The following EPHA5 variants were observed in gnomAD, a reference collection of about 807,000 sequenced individuals.
EPHA5 encodes the protein EPH receptor A5.
In EPHA5, 60 loss-of-function variants were observed where a neutral mutation model predicts 105.0. That is an observed-to-expected ratio of 0.57 (90% confidence interval 0.46 to 0.71). EPHA5 has a LOEUF of 0.71. Ranked by LOEUF, EPHA5 falls within the 30% of genes least tolerant of loss-of-function variation. The pLI is 0.00. For missense variants in EPHA5, 1,218 were observed against 1,274.7 expected, an observed-to-expected ratio of 0.96 and a Z score of 0.68; for synonymous variants, 513 against 449.1, an observed-to-expected ratio of 1.14 and a Z score of -1.80.
intron 3 of EPHA5, among the ~76,000 whole-genome samples, chr4:65,503,876 C>T (rs1732734615): frequency 6.7e-6 from 1 of 148,644 alleles, no homozygotes; most frequent in Non-Finnish European, 1.5e-5. Context: ...AAAAGTCATT[C>T]AAGACAATTT....
intron 1 of EPHA5, among the ~76,000 whole-genome samples, chr4:65,659,058 T>TTTCCTGTC (rs1749312451): frequency 6.6e-6 from 1 of 151,672 alleles, no homozygotes; most frequent in East Asian, 1.9e-4. Context: ...GAAAGGTGAG[T>TTTCCTGTC]ACATTTTCCA....
At chr4:65,353,760 T>A (rs1006815353) in intron 11 of EPHA5, among the ~76,000 whole-genome samples, 1 of 151,966 alleles carries the variant, frequency 6.6e-6, no homozygotes, top group Non-Finnish European at 1.5e-5. Flanking sequence ...TGCATTTTCC[T>A]ACCTTTACCT....
At chr4:65,581,901 A>G (rs1741661653) in intron 3 of EPHA5, among the ~76,000 whole-genome samples, 1 of 151,812 alleles carries the variant, frequency 6.6e-6, no homozygotes, top group Admixed American at 6.6e-5. Flanking sequence ...ATTCTGGTAA[A>G]GTAATTTACT....
At chr4:65,413,118 C>T (rs1048665267) in intron 7 of EPHA5, among the ~76,000 whole-genome samples, 2 of 151,978 alleles carry the variant, frequency 1.3e-5, no homozygotes, top group Admixed American at 6.6e-5. Context: ...CAATCCATTA[C>T]TAATATTACG....
chr4:65,643,288 T>C (rs761904732), intron 2 of EPHA5, 75 bp downstream of exon 2: 289 of 1,186,790 alleles, frequency 2.4e-4, no homozygotes, highest in South Asian at 3.6e-4. Context: ...CCAGTACATA[T>C]TCATTCCTGT....
chr4:65,563,183 C>G (rs973622349), intron 3 of EPHA5, among the ~76,000 whole-genome samples: 4 of 151,922 alleles, frequency 2.6e-5, no homozygotes, highest in South Asian at 2.1e-4. Context: ...TTGGCTGATA[C>G]TTACTTTAGA....
At chr4:65,667,443 G>A (rs1322215253) in intron 1 of EPHA5, among the ~76,000 whole-genome samples, 1 of 152,172 alleles carries the variant, frequency 6.6e-6, no homozygotes, top group East Asian at 1.9e-4. Context: ...GCTTTTTTCA[G>A]AGCACCAGGT....
chr4:65,354,479 A>G (rs1017062774), intron 11 of EPHA5, among the ~76,000 whole-genome samples: 4 of 151,754 alleles, frequency 2.6e-5, no homozygotes, highest in East Asian at 1.9e-4. Context: ...ATGACATAAA[A>G]CTAGTTTTAA....
At chr4:65,373,020 T>A (rs952970457) in intron 8 of EPHA5, among the ~76,000 whole-genome samples, 1 of 151,888 alleles carries the variant, frequency 6.6e-6, no homozygotes, top group Non-Finnish European at 1.5e-5. Flanking sequence ...TATAACACTA[T>A]CTTTAATAAA....
intron 6 of EPHA5, among the ~76,000 whole-genome samples, chr4:65,418,345 C>T (rs974997521): frequency 3.3e-5 from 5 of 151,862 alleles, no homozygotes; most frequent in African/African-American, 9.7e-5. Flanking sequence ...AATTGTAGAC[C>T]TCTGGAATTT....
intron 3 of EPHA5, among the ~76,000 whole-genome samples, chr4:65,553,710 T>G (rs1316519597): frequency 6.6e-6 from 1 of 152,080 alleles, no homozygotes; most frequent in Non-Finnish European, 1.5e-5. Context: ...CCATCTCCCT[T>G]AATCTCTCTG....
At chr4:65,580,558 T>G (rs912184576) in intron 3 of EPHA5, among the ~76,000 whole-genome samples, 1 of 151,904 alleles carries the variant, frequency 6.6e-6, no homozygotes, top group African/African-American at 2.4e-5. Context: ...TATGCCACTT[T>G]GGCATAAGGA....
intron 3 of EPHA5, among the ~76,000 whole-genome samples, chr4:65,542,261 A>G (rs1376596100): frequency 1.3e-5 from 2 of 151,978 alleles, no homozygotes; most frequent in Admixed American, 1.3e-4. Flanking sequence ...GAAGATAAAG[A>G]CACAACAAAC....
chr4:65,551,560 T>C (rs993599233), intron 3 of EPHA5, among the ~76,000 whole-genome samples: 5 of 152,148 alleles, frequency 3.3e-5, no homozygotes, highest in Non-Finnish European at 7.4e-5. Flanking sequence ...TGATCACTAC[T>C]TTTCTTAGCC....
chr4:65,447,874 G>T (rs1194153057), intron 5 of EPHA5, among the ~76,000 whole-genome samples: 1 of 151,786 alleles, frequency 6.6e-6, no homozygotes, highest in Non-Finnish European at 1.5e-5. Context: ...AGACATGAAA[G>T]ATATAATGAG....
At chr4:65,534,362 A>G (rs929980304) in intron 3 of EPHA5, among the ~76,000 whole-genome samples, 1 of 152,224 alleles carries the variant, frequency 6.6e-6, no homozygotes, top group Non-Finnish European at 1.5e-5. Context: ...ACACAAATAA[A>G]TTAAGAATAT....
At chr4:65,440,454 A>T (rs1329006761) in intron 5 of EPHA5, among the ~76,000 whole-genome samples, 1 of 151,104 alleles carries the variant, frequency 6.6e-6, no homozygotes, top group Non-Finnish European at 1.5e-5. Flanking sequence ...TAAGGAAAAT[A>T]TGTAAATCTT....
chr4:65,430,718 C>T (rs1287259081), intron 5 of EPHA5, among the ~76,000 whole-genome samples: 1 of 152,012 alleles, frequency 6.6e-6, no homozygotes, highest in East Asian at 1.9e-4. Context: ...AGTTTGTATT[C>T]TTGAGTATTA....
intron 3 of EPHA5, among the ~76,000 whole-genome samples, chr4:65,576,088 G>GAAAAA (rs765655173): frequency 3.3e-5 from 2 of 61,476 alleles, no homozygotes; most frequent in African/African-American, 1.1e-4. Context: ...GAAAAGAAAA[G>GAAAAA]AAAAGAAAAG....
Sources: allele counts gnomAD v4.1 joint callset (sites outside exome capture counted in the v4.1 genomes callset), GRCh38; gene constraint gnomAD v4.1.1; transcripts MANE v1.5; gene names NCBI Gene and HGNC (gene_info 2026-07-23, HGNC 2026-07-21).